SIRPA: variants seen among roughly 807,000 people sequenced by gnomAD.
The protein encoded by SIRPA is signal regulatory protein alpha, also known as tyrosine-protein phosphatase non-receptor type substrate 1.
In SIRPA, 9 loss-of-function variants were observed where a neutral mutation model predicts 50.3. That is an observed-to-expected ratio of 0.18 (90% CI 0.11 to 0.31). The LOEUF (loss-of-function observed/expected upper bound fraction) is 0.31. Ranked by LOEUF, SIRPA falls within the 10% of genes least tolerant of loss-of-function variation. The pLI is 1.00. For synonymous variants in SIRPA, 265 were observed against 284.1 expected (o/e 0.93, Z 0.68); for missense variants, 474 against 661.6 (o/e 0.72, Z 3.11).
Position 1,909,892 on chromosome 20 carries a change from A to G in SIRPA, c.80-5207A>G, listed in dbSNP as rs190029804. Among the ~76,000 whole-genome samples, 26 of 152,366 alleles carry G rather than the reference A, an allele frequency of 1.7e-4. No homozygotes were observed. The East Asian group carries it at 4.6e-3, about 27-fold the overall frequency. ...AACATTGTTTTTTAAGAAATCAAAT[A>G]TATTTTCTAAATCCCAGTGGTCAGT... On this transcript the variant is annotated intron_variant, in intron 1 of 7. Coordinates refer to ENST00000358771, the MANE Select transcript of SIRPA (RefSeq NM_001040023.2).
intron 2 of SIRPA, among the ~76,000 whole-genome samples, chr20:1,916,388 A>G (rs1380128185): frequency 6.6e-6 from 1 of 152,196 alleles, no homozygotes; most frequent in Non-Finnish European, 1.5e-5. Flanking sequence ...CCAGTTAGTG[A>G]CAGGATCTGG....
At chr20:1,914,031 G>T (rs1357735282) in intron 1 of SIRPA, among the ~76,000 whole-genome samples, 1 of 152,174 alleles carries the variant, frequency 6.6e-6, no homozygotes, top group Admixed American at 6.5e-5. Flanking sequence ...GCTCCAGTGT[G>T]TCCCCATCAC....
At chr20:1,914,162 T>C (rs1985077237) in intron 1 of SIRPA, among the ~76,000 whole-genome samples, 1 of 152,240 alleles carries the variant, frequency 6.6e-6, no homozygotes, top group Admixed American at 6.5e-5. Context: ...ATCTCAGGGC[T>C]AAGTGACTTC....
At chr20:1,895,400 A>C (rs1983730255), upstream of SIRPA, 12 of 1,139,194 alleles carry the variant, frequency 1.1e-5, no homozygotes, top group African/African-American at 5.0e-5. Flanking sequence ...CTCCCGCCCG[A>C]GCGCGCACTC....
intron 1 of SIRPA, among the ~76,000 whole-genome samples, chr20:1,914,519 T>G (rs1449629301): frequency 6.6e-6 from 1 of 151,726 alleles, no homozygotes; most frequent in Non-Finnish European, 1.5e-5. Context: ...AGTCCTGGGT[T>G]CCAGGTGGGG....
In SIRPA at chr20:1,928,076, A is replaced by C. The variant is rs941535048; in HGVS notation, c.1226+177A>C. 1.3e-5 allele frequency among the ~76,000 whole-genome samples: 2 copies of C among 152,164 alleles called. No individual in the cohort carries two copies. Among genetic ancestry groups the C allele is most frequent in the African/African-American group, 4.8e-5 (2 of 41,438 alleles). The stretch of plus-strand genomic sequence containing the variant: ...TCACGCTGTTTTTAATTATTGTCCC[A>C]AATGAGGGGTTTTTTTGGTGCACAG... On this transcript the variant is annotated intron_variant, in intron 6 of 7. Transcript: ENST00000358771. This position sits in a 1 kb window ranked among gnomAD's most constrained non-coding sequence, Gnocchi z 4.9.
At chr20:1,912,174 G>A (rs1448822946) in intron 1 of SIRPA, among the ~76,000 whole-genome samples, 3 of 152,016 alleles carry the variant, frequency 2.0e-5, no homozygotes, top group Non-Finnish European at 4.4e-5. Context: ...ATTGTCGCCT[G>A]CCTGGGGTGT....
At chr20:1,903,159 G>T (rs1568494314) in intron 1 of SIRPA, among the ~76,000 whole-genome samples, 1 of 152,206 alleles carries the variant, frequency 6.6e-6, no homozygotes, top group Non-Finnish European at 1.5e-5. Flanking sequence ...ATTGCAAAGA[G>T]GCCAGTGGGG....
rs1478738917 is a variant in SIRPA at position 1,939,005 on chromosome 20, T to G, written c.*1437T>G. 6.6e-6 allele frequency: 1 copy of G among 152,638 alleles called. No homozygotes were observed. The allele number at this position is 152,638 out of a possible 1,614,324, so 9.5% of individuals were successfully genotyped here. A position where few individuals can be genotyped will look rare whatever the true frequency, so the allele number is the denominator to read the frequency against. ...CTACTGGGATCAAACTGGAATAAAT[T>G]GAAGACAGCCAGGGGGATGGTGCAG... On this transcript the variant is annotated 3_prime_UTR_variant, in exon 8 of 8. Coordinates refer to ENST00000358771, the MANE Select transcript of SIRPA (RefSeq NM_001040023.2). The surrounding 1 kb of genome is among the most constrained non-coding windows in gnomAD (Gnocchi z 4.7).
chr20:1,927,216 T>C lies in SIRPA; in HGVS notation c.1202-659T>C, dbSNP rs1171658334. 1.3e-5 allele frequency among the ~76,000 whole-genome samples: 2 copies of C among 152,174 alleles called. No individual in the cohort carries two copies. Among genetic ancestry groups the C allele is most frequent in the Non-Finnish European group, 1.5e-5 (1 of 68,030 alleles). ...GTGCATGTTGCTTTTTAATTACAATTTTACAGCAAAATGGGAGTCAAACGG... is the reference window on the plus strand; with the variant it reads ...GTGCATGTTGCTTTTTAATTACAATCTTACAGCAAAATGGGAGTCAAACGG... On this transcript the variant is annotated intron_variant, in intron 5 of 7. Transcript: ENST00000358771. This position sits in a 1 kb window ranked among gnomAD's most constrained non-coding sequence, Gnocchi z 6.5.
intron 6 of SIRPA, among the ~76,000 whole-genome samples, chr20:1,931,346 T>C (rs1188188592): frequency 1.3e-5 from 2 of 152,188 alleles, no homozygotes; most frequent in Non-Finnish European, 2.9e-5. Context: ...ATTCCCGAGG[T>C]CCTGCGGCTA....
chr20:1,908,556 G>A (rs1282739399), intron 1 of SIRPA, among the ~76,000 whole-genome samples: 2 of 151,990 alleles, frequency 1.3e-5, no homozygotes, highest in Admixed American at 6.5e-5. Flanking sequence ...GACATATTCC[G>A]GCACACAGGC....
chr20:1,934,874 C>T lies in SIRPA; in HGVS notation c.1266+120C>T. 9.4e-7 allele frequency: 1 copy of T among 1,065,362 alleles called. No homozygotes were observed. Among genetic ancestry groups the T allele is most frequent in the South Asian group, 1.3e-5 (1 of 76,296 alleles). The allele number at this position is 1,065,362 out of a possible 1,614,324, so 66.0% of individuals were successfully genotyped here. A position where few individuals can be genotyped will look rare whatever the true frequency, so the allele number is the denominator to read the frequency against. On this transcript the variant is annotated intron_variant, in intron 7 of 7. Transcript: ENST00000358771. The surrounding 1 kb of genome is among the most constrained non-coding windows in gnomAD (Gnocchi z 4.6). ...CCTTGTGGGGTGGAGGGTGGAGGAT[C>T]TTACACTCCTAGCTTTCCCCATGTC...
intron 1 of SIRPA, among the ~76,000 whole-genome samples, chr20:1,903,777 C>G (rs1984380108): frequency 6.6e-6 from 1 of 152,182 alleles, no homozygotes; most frequent in South Asian, 2.1e-4. Flanking sequence ...TGGATGCTGT[C>G]CCAACCACCC....
At chr20:1,918,234 T>G (rs938575249) in intron 2 of SIRPA, among the ~76,000 whole-genome samples, 1 of 152,064 alleles carries the variant, frequency 6.6e-6, no homozygotes, top group African/African-American at 2.4e-5. Context: ...GTTTCACTCT[T>G]GTTGCCCAGG....
chr20:1,909,119 G>T (rs1462499083), intron 1 of SIRPA, among the ~76,000 whole-genome samples: 2 of 152,242 alleles, frequency 1.3e-5, no homozygotes, highest in Non-Finnish European at 2.9e-5. Context: ...AGGGAGCCGG[G>T]TATCACTGCA....
chr20:1,903,606 A>C (rs951569319), intron 1 of SIRPA, among the ~76,000 whole-genome samples: 4 of 151,972 alleles, frequency 2.6e-5, no homozygotes, highest in African/African-American at 9.7e-5. Context: ...CTCACCTCTT[A>C]CCACTCTCCT....
chr20:1,913,107 G>A (rs1985001012), intron 1 of SIRPA, among the ~76,000 whole-genome samples: 1 of 152,248 alleles, frequency 6.6e-6, no homozygotes, highest in Admixed American at 6.5e-5. Flanking sequence ...GAAATGAGAA[G>A]CTGGACTTCC....
At chr20:1,920,465 C>T (rs377613369) in intron 2 of SIRPA, among the ~76,000 whole-genome samples, 25 of 152,262 alleles carry the variant, frequency 1.6e-4, no homozygotes, top group East Asian at 5.8e-4. Flanking sequence ...AGAAACAGCC[C>T]GCGTTCTGAT....
Sources: allele counts gnomAD v4.1 joint callset (sites outside exome capture counted in the v4.1 genomes callset), GRCh38; gene constraint gnomAD v4.1.1; non-coding constraint Gnocchi (gnomAD v3.1); transcripts MANE v1.5; gene names NCBI Gene and HGNC (gene_info 2026-07-23, HGNC 2026-07-21).